The following FAM171A1 variants were observed in gnomAD, a reference collection of about 807,000 sequenced individuals.
FAM171A1 encodes family with sequence similarity 171 member A1, also known as protein FAM171A1.
FAM171A1 carries 23 observed loss-of-function variants against 74.9 expected under a neutral mutation model. That is an observed-to-expected ratio of 0.31 (90% CI 0.22 to 0.44). The LOEUF is 0.44. Among genes scored for constraint, FAM171A1 ranks in the 20% least tolerant of loss-of-function variants. The pLI, the probability that FAM171A1 is intolerant of heterozygous loss-of-function variation, is 1.00. For missense variants in FAM171A1, 1,162 were observed against 1,159.2 expected (o/e 1.00, Z -0.03); for synonymous variants, 527 against 505.7 (o/e 1.04, Z -0.57).
chr10:15,272,291 AAAG>A (rs1246251684), intron 3 of FAM171A1, among the ~76,000 whole-genome samples: 1 of 152,238 alleles, frequency 6.6e-6, no homozygotes, highest in Non-Finnish European at 1.5e-5. Context: ...CAAAAGAGAC[AAAG>A]AAGGCCATTA....
intron 1 of FAM171A1, among the ~76,000 whole-genome samples, chr10:15,301,344 C>CTATATATA (rs370421783): frequency 2.9e-5 from 4 of 139,416 alleles, no homozygotes; most frequent in Non-Finnish European, 6.2e-5. Context: ...ACACGCCCAG[C>CTATATATA]TATATATATA....
Position 15,214,115 on chromosome 10 carries a change from G to A in FAM171A1, c.1473C>T (p.Thr491=), listed in dbSNP as rs144392914. 1.4e-5 allele frequency: 22 copies of A among 1,614,024 alleles called. No homozygotes were observed. Among genetic ancestry groups the A allele is most frequent in the Non-Finnish European group, 1.4e-5 (16 of 1,180,038 alleles). ...TTTCAAATAAAGGCTGTGAGAGCAC[G>A]GTGTTGTAACTACCCCTGTAGTCAT... ...GNDDYRGSYN[T]VLSQPLFEKQ... is the part of the protein sequence containing the mutation. Residue 491 remains threonine (T), a synonymous_variant, in exon 8 of 8, where the codon ACC becomes ACT. Coordinates refer to ENST00000378116, the MANE Select transcript of FAM171A1 (RefSeq NM_001010924.2).
At position 15,220,957 on chromosome 10, in the gene FAM171A1, G is replaced by A; in HGVS notation, c.858C>T (p.Ser286=). The A allele has an allele frequency of 6.2e-7, 1 of 1,613,300 alleles. No homozygotes were observed. Residue 286 remains serine (S), a synonymous_variant, in exon 6 of 8, where the codon TCC becomes TCT. Coordinates refer to ENST00000378116, the MANE Select transcript of FAM171A1 (RefSeq NM_001010924.2). ...PQLGYWVAAM[S]PPIPGPVVTQ... The stretch of plus-strand genomic sequence containing the variant: ...GCTCCGTGTTACCTGGGATGGGAGG[G>A]GACATGGCGGCCACCCAGTACCCCA...
At chr10:15,358,762 A>C (rs1350369442) in intron 1 of FAM171A1, among the ~76,000 whole-genome samples, 1 of 152,208 alleles carries the variant, frequency 6.6e-6, no homozygotes, top group Non-Finnish European at 1.5e-5. Context: ...CAGGAACCAC[A>C]CATGGGGTGT....
chr10:15,309,300 C>G (rs1030831469), intron 1 of FAM171A1, among the ~76,000 whole-genome samples: 1 of 152,210 alleles, frequency 6.6e-6, no homozygotes, highest in African/African-American at 2.4e-5. Context: ...CTCGGCCTCC[C>G]AGGCTCAAGC....
chr10:15,351,870 C>T (rs1025144707), intron 1 of FAM171A1, among the ~76,000 whole-genome samples: 46 of 151,842 alleles, frequency 3.0e-4, no homozygotes, highest in African/African-American at 5.1e-4. Context: ...CTGAACAACA[C>T]GGCAAAACTT....
intron 5 of FAM171A1, among the ~76,000 whole-genome samples, chr10:15,246,618 T>A (rs141366118): frequency 0.041 from 6,269 of 152,238 alleles, 149 homozygotes; most frequent in South Asian, 0.067. Context: ...GCCTCCCAGG[T>A]TCAAGGGATC....
intron 1 of FAM171A1, among the ~76,000 whole-genome samples, chr10:15,324,786 C>T (rs1284584799): frequency 6.6e-6 from 1 of 152,094 alleles, no homozygotes; most frequent in Non-Finnish European, 1.5e-5. Flanking sequence ...ACCAACTCCA[C>T]CATCAATATC....
intron 3 of FAM171A1, among the ~76,000 whole-genome samples, chr10:15,260,221 T>C (rs190608414): frequency 1.3e-5 from 2 of 152,260 alleles, no homozygotes; most frequent in Non-Finnish European, 2.9e-5. Context: ...CCACCTCTTC[T>C]ATGTAGTCTG....
intron 1 of FAM171A1, among the ~76,000 whole-genome samples, chr10:15,354,108 C>A (rs1052896986): frequency 2.0e-5 from 3 of 152,182 alleles, no homozygotes; most frequent in Admixed American, 6.5e-5. Flanking sequence ...GATTAGAGTG[C>A]AACCAAGTCA....
chr10:15,282,711 ATTTAT>A (rs1419499602), intron 2 of FAM171A1, among the ~76,000 whole-genome samples: 1 of 151,952 alleles, frequency 6.6e-6, no homozygotes. Flanking sequence ...CTTTATTTTA[ATTTAT>A]TTTATTATTT....
intron 3 of FAM171A1, among the ~76,000 whole-genome samples, chr10:15,267,560 G>T (rs891958798): frequency 7.7e-6 from 1 of 130,354 alleles, no homozygotes; most frequent in Non-Finnish European, 1.6e-5. Flanking sequence ...CCGAGATCGC[G>T]CCACTGTACT....
intron 5 of FAM171A1, among the ~76,000 whole-genome samples, chr10:15,236,966 G>C (rs1423545963): frequency 6.6e-6 from 1 of 152,150 alleles, no homozygotes; most frequent in Non-Finnish European, 1.5e-5. Flanking sequence ...GGTGGCACTT[G>C]CCTGTAGTCC....
intron 1 of FAM171A1, among the ~76,000 whole-genome samples, chr10:15,330,758 C>G (rs1281953236): frequency 7.1e-6 from 1 of 140,402 alleles, no homozygotes; most frequent in Non-Finnish European, 1.5e-5. Context: ...CACTCTGTCA[C>G]CCAGGCTGGA....
At chr10:15,370,399 G>A (rs1429178947) in intron 1 of FAM171A1, among the ~76,000 whole-genome samples, 2 of 151,574 alleles carry the variant, frequency 1.3e-5, no homozygotes, top group African/African-American at 2.4e-5. Context: ...TTCCCAAACT[G>A]CGGCAGGCTA....
chr10:15,298,352 T>C (rs1564636236), intron 1 of FAM171A1, among the ~76,000 whole-genome samples: 2 of 152,168 alleles, frequency 1.3e-5, no homozygotes, highest in Non-Finnish European at 2.9e-5. Context: ...CAGGCTGGTT[T>C]CAAACTCCTG....
intron 3 of FAM171A1, among the ~76,000 whole-genome samples, chr10:15,273,387 G>A (rs1214247970): frequency 2.6e-5 from 4 of 152,186 alleles, no homozygotes; most frequent in Non-Finnish European, 4.4e-5. Flanking sequence ...CTCTGAAACT[G>A]AGGCAATAAT....
At chr10:15,215,338 C>T (rs1833953760) in intron 7 of FAM171A1, among the ~76,000 whole-genome samples, 1 of 152,042 alleles carries the variant, frequency 6.6e-6, no homozygotes, top group Non-Finnish European at 1.5e-5. Context: ...AATATTCTTG[C>T]AAACTAAACA....
intron 1 of FAM171A1, among the ~76,000 whole-genome samples, chr10:15,299,049 T>C (rs1424825058): frequency 6.6e-6 from 1 of 152,066 alleles, no homozygotes; most frequent in African/African-American, 2.4e-5. Context: ...GACTCCTGGG[T>C]AGCTGGGATT....
Sources: gnomAD v4.1 joint callset for allele counts (sites outside exome capture counted in the v4.1 genomes callset) on GRCh38, gnomAD v4.1.1 for gene constraint, MANE v1.5 for transcripts, NCBI Gene and HGNC (gene_info 2026-07-23, HGNC 2026-07-21) for gene names.